LGALS12: variants seen among roughly 807,000 people sequenced by gnomAD.
LGALS12 encodes galectin 12, also known as galectin-12.
LGALS12 carries 36 observed loss-of-function variants against 36.8 expected under a neutral mutation model. The ratio of observed to expected loss-of-function variants is 0.98; its 90% CI spans 0.75 to 1.29. The LOEUF is 1.29. Among genes scored for constraint, LGALS12 ranks in the 50% most tolerant of loss-of-function variants. The pLI is 0.00. For synonymous variants in LGALS12, 145 were observed against 155.9 expected (o/e 0.93, Z 0.52); for missense variants, 366 against 394.3 (o/e 0.93, Z 0.61).
chr11:63,509,852 A>C lies in LGALS12; in HGVS notation c.447A>C (p.Ile149=). 1.2e-6 allele frequency: 2 copies of C among 1,614,086 alleles called. No homozygotes were observed. The highest frequency in any genetic ancestry group is 2.7e-5 in the African/African-American group (2 of 75,002). ...LPLSHVDTLG[I]FGDILVEAVG... Reference sequence around the variant, plus strand: ...TGTCTCATGTGGACACGCTGGGTATATTTGGTGACATCCTGGTAGAGGCTG... The same window carrying C: ...TGTCTCATGTGGACACGCTGGGTATCTTTGGTGACATCCTGGTAGAGGCTG... Residue 149 remains isoleucine, a synonymous_variant, in exon 4 of 9, where the codon ATA becomes ATC. Coordinates refer to ENST00000394618, the MANE Select transcript of LGALS12 (RefSeq NM_033101.4).
intron 8 of LGALS12, 39 bp from the exon 9 acceptor site, chr11:63,516,206 CTG>C: frequency 6.6e-7 from 1 of 1,525,858 alleles, no homozygotes. Context: ...AAGGGAAAGT[CTG>C]GCTGGAAGCT....
intron 3 of LGALS12, 78 bp downstream of exon 3, chr11:63,509,069 G>A (rs1211444729): frequency 9.6e-6 from 11 of 1,141,964 alleles, no homozygotes; most frequent in East Asian, 5.1e-5. Flanking sequence ...GACTCCCCAC[G>A]ACACAATGTT....
Position 63,516,578 on chromosome 11 carries a change from C to A in LGALS12, c.*185C>A. On this transcript the variant is annotated 3_prime_UTR_variant, in exon 9 of 9. Coordinates refer to ENST00000394618, the MANE Select transcript of LGALS12 (RefSeq NM_033101.4). ...GGGAAGGCACAAGAGTGCAAAGGTT[C>A]CTCGAACTCTGCACCTTCCTCCACC... 1.5e-6 allele frequency: 1 copy of A among 672,670 alleles called. No individual in the cohort carries two copies. The highest frequency in any genetic ancestry group is 2.5e-6 in the Non-Finnish European group (1 of 397,128). The allele number at this position is 672,670 out of a possible 1,614,324, so 41.7% of individuals were successfully genotyped here. A position where few individuals can be genotyped will look rare whatever the true frequency, so the allele number is the denominator to read the frequency against.
chr11:63,515,522 A>G, intron 7 of LGALS12, 41 bp from the exon 8 acceptor site: 2 of 1,608,792 alleles, frequency 1.2e-6, no homozygotes, highest in African/African-American at 2.7e-5. Flanking sequence ...GCCTATGGGC[A>G]ATGGGCGCTG....
chr11:63,509,637 T>C, intron 3 of LGALS12, 141 bp from the exon 4 acceptor site: 1 of 841,470 alleles, frequency 1.2e-6, no homozygotes, highest in South Asian at 1.8e-5. Flanking sequence ...CAAGGCTCTG[T>C]AAAATGTACC....
Position 63,515,141 on chromosome 11 carries a change from C to T in LGALS12, c.648-422C>T, listed in dbSNP as rs556489305. ...GAAAGTAGCAGAGCCAGGGTTGAAT[C>T]GGGACTGCCTGACTCTAACCACTAT... On this transcript the variant is annotated intron_variant, in intron 7 of 8. Coordinates refer to ENST00000394618, the MANE Select transcript of LGALS12 (RefSeq NM_033101.4). Among the ~76,000 whole-genome samples the T allele has an allele frequency of 2.2e-4, 34 of 152,276 alleles. No homozygotes were observed. The Middle Eastern group carries it at 0.014, about 61-fold the overall frequency.
At chr11:63,513,810 G>C (rs1294130982) in intron 7 of LGALS12, among the ~76,000 whole-genome samples, 1 of 152,060 alleles carries the variant, frequency 6.6e-6, no homozygotes, top group East Asian at 1.9e-4. Flanking sequence ...CAGCCTCAAA[G>C]AGCTTCAACA....
chr11:63,511,926 C>T (rs2016938255), intron 7 of LGALS12, 86 bp downstream of exon 7: 2 of 895,406 alleles, frequency 2.2e-6, no homozygotes, highest in East Asian at 4.8e-5. Flanking sequence ...TTTTAATCTC[C>T]TAGCACCACC....
At chr11:63,514,729 A>C (rs1488028014) in intron 7 of LGALS12, among the ~76,000 whole-genome samples, 1 of 152,130 alleles carries the variant, frequency 6.6e-6, no homozygotes, top group African/African-American at 2.4e-5. Context: ...AAGTCATTTA[A>C]CTTCTTGTCC....
chr11:63,510,431 T>C, intron 4 of LGALS12, 32 bp from the exon 5 acceptor site: 1 of 1,613,160 alleles, frequency 6.2e-7, no homozygotes, highest in Non-Finnish European at 8.5e-7. Context: ...TGGTCCTAAA[T>C]GCTGCTGATT....
At chr11:63,506,599 G>A in intron 1 of LGALS12, 72 bp downstream of exon 1, 1 of 1,587,554 alleles carries the variant, frequency 6.3e-7, no homozygotes, top group Non-Finnish European at 8.6e-7. Flanking sequence ...CCACACTCCT[G>A]GGTGGTGGGG....
chr11:63,510,033 A>AGG, intron 4 of LGALS12, 136 bp downstream of exon 4: 1 of 1,086,600 alleles, frequency 9.2e-7, no homozygotes, highest in East Asian at 2.6e-5. Flanking sequence ...GCCAAGGGGG[A>AGG]GGGAGTCCAC....
chr11:63,509,052 T>G (rs2016837435), intron 3 of LGALS12, 61 bp downstream of exon 3: 1 of 1,273,486 alleles, frequency 7.9e-7, no homozygotes, highest in African/African-American at 1.5e-5. Context: ...CTTCCTTCCC[T>G]CAGCCAGACT....
chr11:63,511,016 GAGTT>G, intron 5 of LGALS12, 59 bp from the exon 6 acceptor site: 1 of 1,525,084 alleles, frequency 6.6e-7, no homozygotes, highest in Non-Finnish European at 9.1e-7. Flanking sequence ...AGAATAACAA[GAGTT>G]TCCCTTTTCC....
Position 63,515,580 on chromosome 11 carries a change from G to A in LGALS12, c.665G>A (p.Arg222Lys). ...TCCTGCAGTTTTACTGTGAGCCTGA[G>A]GGACCAGGCTGCCCATGCTCCTGTG... ...QEPKHFTVSL[R>K]DQAAHAPVTL... Residue 222 changes from arginine to lysine, a missense_variant, in exon 8 of 9, where the codon AGG becomes AAG. Coordinates refer to ENST00000394618, the MANE Select transcript of LGALS12 (RefSeq NM_033101.4). 1.2e-6 allele frequency: 2 copies of A among 1,614,166 alleles called. No homozygotes were observed. Among genetic ancestry groups the A allele is most frequent in the South Asian group, 2.2e-5 (2 of 91,086 alleles).
At chr11:63,507,514 GA>G (rs2016775341) in intron 1 of LGALS12, among the ~76,000 whole-genome samples, 2 of 152,028 alleles carry the variant, frequency 1.3e-5, no homozygotes, top group African/African-American at 4.8e-5. Context: ...ATAAACTAGG[GA>G]AAAAAGCCAA....
intron 7 of LGALS12, among the ~76,000 whole-genome samples, chr11:63,513,703 G>A (rs2016992878): frequency 6.6e-6 from 1 of 152,202 alleles, no homozygotes; most frequent in African/African-American, 2.4e-5. Context: ...GAGAGAGTAA[G>A]AGATGGAGGG....
chr11:63,508,768 C>A lies in LGALS12; in HGVS notation c.159-10C>A, dbSNP rs374499289. 2 of 1,614,030 alleles carry A rather than the reference C, an allele frequency of 1.2e-6. No homozygotes were observed. The highest frequency in any genetic ancestry group is 2.7e-5 in the African/African-American group (2 of 74,928). ...CAGAACCGCACTTTGAGAGCCTCACCTCCCAGTAGGTTTCAGGTGGACTTC... is the reference window on the plus strand; with the variant it reads ...CAGAACCGCACTTTGAGAGCCTCACATCCCAGTAGGTTTCAGGTGGACTTC... On this transcript the variant is annotated splice_polypyrimidine_tract_variant and intron_variant, in intron 2 of 8. Transcript: ENST00000394618.
At chr11:63,508,707 T>C (rs1590643726) in intron 2 of LGALS12, 66 bp downstream of exon 2, 1 of 1,613,230 alleles carries the variant, frequency 6.2e-7, no homozygotes, top group South Asian at 1.1e-5. Context: ...GCTGGAGGGC[T>C]CCTCCCTGCC....
Sources: gnomAD v4.1 joint callset for allele counts (sites outside exome capture counted in the v4.1 genomes callset) on GRCh38, gnomAD v4.1.1 for gene constraint, MANE v1.5 for transcripts, NCBI Gene and HGNC (gene_info 2026-07-23, HGNC 2026-07-21) for gene names.